Variants in PRKG1 observed in about 807,000 individuals in gnomAD.
PRKG1 encodes protein kinase cGMP-dependent 1.
Under a neutral mutation model 88.1 loss-of-function variants are expected in PRKG1, and 35 were observed. The observed-to-expected ratio is 0.40, with a 90% CI of 0.30 to 0.53. The LOEUF (loss-of-function observed/expected upper bound fraction) is 0.53. PRKG1 is among the 20% of genes least tolerant of loss of function. The pLI, the probability that PRKG1 is intolerant of heterozygous loss-of-function variation, is 0.59. For missense variants in PRKG1, 540 were observed against 839.8 expected (o/e 0.64, Z 4.41); for synonymous variants, 303 against 292.5 (o/e 1.04, Z -0.37).
intron 3 of PRKG1, among the ~76,000 whole-genome samples, chr10:51,759,291 G>T (rs1424173040): frequency 6.6e-6 from 1 of 151,924 alleles, no homozygotes; most frequent in Admixed American, 6.6e-5. Context: ...TTTTGAGACG[G>T]AGTCTTGCTG....
intron 2 of PRKG1, among the ~76,000 whole-genome samples, chr10:51,449,919 A>C (rs1037668696): frequency 3.3e-5 from 5 of 151,864 alleles, no homozygotes; most frequent in Admixed American, 3.3e-4. Context: ...AAAACTTCTT[A>C]TTTGTTTTTG....
At chr10:51,253,630 G>A (rs1839481025) in intron 2 of PRKG1, among the ~76,000 whole-genome samples, 1 of 151,890 alleles carries the variant, frequency 6.6e-6, no homozygotes. Context: ...CAAGAGAAGG[G>A]GAAGAATTTT....
At chr10:51,604,793 G>A (rs988272293) in intron 3 of PRKG1, among the ~76,000 whole-genome samples, 1 of 152,206 alleles carries the variant, frequency 6.6e-6, no homozygotes, top group Non-Finnish European at 1.5e-5. Context: ...CCATGGCAGT[G>A]TCCAGGACTC....
At chr10:52,012,855 T>C (rs760898003) in intron 5 of PRKG1, among the ~76,000 whole-genome samples, 14 of 152,224 alleles carry the variant, frequency 9.2e-5, no homozygotes, top group Non-Finnish European at 2.1e-4. Context: ...GAATACCATG[T>C]GTGAGATGTG....
chr10:51,059,823 C>T (rs1297598923), intron 1 of PRKG1, among the ~76,000 whole-genome samples: 1 of 152,068 alleles, frequency 6.6e-6, no homozygotes, highest in Admixed American at 6.6e-5. Flanking sequence ...GTGTAATTAA[C>T]TCACGTTTGT....
intron 1 of PRKG1, among the ~76,000 whole-genome samples, chr10:51,065,702 T>C (rs1267865685): frequency 1.3e-5 from 2 of 152,144 alleles, no homozygotes; most frequent in African/African-American, 2.4e-5. Context: ...CTGTATTTAC[T>C]CCTACCTTTA....
intron 5 of PRKG1, among the ~76,000 whole-genome samples, chr10:51,984,837 A>G (rs1430493343): frequency 6.6e-6 from 1 of 152,148 alleles, no homozygotes; most frequent in Admixed American, 6.5e-5. Context: ...GATTTAACAG[A>G]AAAAGAAAAT....
chr10:51,698,156 G>C (rs767044550), intron 3 of PRKG1: 1 of 1,614,068 alleles, frequency 6.2e-7, no homozygotes, highest in Admixed American at 1.7e-5. Flanking sequence ...TCTTGAACTG[G>C]GGACAGGGCC....
At chr10:52,211,196 T>C (rs1316117710) in intron 9 of PRKG1, among the ~76,000 whole-genome samples, 1 of 152,102 alleles carries the variant, frequency 6.6e-6, no homozygotes, top group Admixed American at 6.5e-5. Flanking sequence ...ACACGTATCA[T>C]GTTCTGCTTT....
chr10:51,910,983 T>A lies in PRKG1; in HGVS notation c.762+3413T>A, dbSNP rs1444696514. ...TAGGTACTGACTATACCAGTAATTC[T>A]GTGATCCATATACAGATTCTTAGCT... On this transcript the variant is annotated intron_variant, in intron 5 of 17. Transcript: ENST00000373980. 5 of 152,208 alleles carry A rather than the reference T, an allele frequency of 3.3e-5. No individual in the cohort carries two copies. The East Asian group carries it at 9.6e-4, about 29-fold the overall frequency. 9.4% of individuals were successfully genotyped at this position (152,208 alleles called of 1,614,324 possible).
chr10:51,235,857 A>C (rs1158682665), intron 2 of PRKG1, among the ~76,000 whole-genome samples: 1 of 152,186 alleles, frequency 6.6e-6, no homozygotes, highest in Non-Finnish European at 1.5e-5. Context: ...AAAATGAAAA[A>C]TAAAAAAAAA....
intron 1 of PRKG1, among the ~76,000 whole-genome samples, chr10:51,068,210 T>C (rs1414200388): frequency 6.6e-6 from 1 of 152,044 alleles, no homozygotes; most frequent in African/African-American, 2.4e-5. Context: ...ATGATGATTA[T>C]AGAAAAGTCA....
At chr10:51,034,328 G>C (rs533384775) in intron 1 of PRKG1, among the ~76,000 whole-genome samples, 25 of 152,066 alleles carry the variant, frequency 1.6e-4, no homozygotes, top group Non-Finnish European at 2.2e-4. Context: ...CTCAGGCAAT[G>C]AATAATAAGT....
At chr10:51,105,722 A>G (rs1307676791) in intron 1 of PRKG1, among the ~76,000 whole-genome samples, 1 of 143,360 alleles carries the variant, frequency 7.0e-6, no homozygotes, top group East Asian at 1.9e-4. Flanking sequence ...ATAATTTTAA[A>G]AATTGATTCT....
chr10:51,254,706 A>G (rs1006965781), intron 2 of PRKG1, among the ~76,000 whole-genome samples: 8 of 152,062 alleles, frequency 5.3e-5, no homozygotes, highest in African/African-American at 1.4e-4. Flanking sequence ...TGTTGTATAA[A>G]GATGGAAAGC....
At chr10:51,766,166 A>G (rs991535319) in intron 3 of PRKG1, among the ~76,000 whole-genome samples, 2 of 152,270 alleles carry the variant, frequency 1.3e-5, no homozygotes, top group East Asian at 3.9e-4. Flanking sequence ...TAAGTGAAAA[A>G]AGAAAGCTCC....
intron 3 of PRKG1, among the ~76,000 whole-genome samples, chr10:51,589,188 G>A (rs1838246593): frequency 6.6e-6 from 1 of 152,138 alleles, no homozygotes; most frequent in Non-Finnish European, 1.5e-5. Context: ...TTAACTAGCT[G>A]CTATGTACTT....
chr10:52,188,557 A>G (rs1839280881), intron 9 of PRKG1, among the ~76,000 whole-genome samples: 1 of 151,792 alleles, frequency 6.6e-6, no homozygotes, highest in East Asian at 1.9e-4. Flanking sequence ...GGAATAAAAA[A>G]AAGTTTGGAA....
chr10:51,497,072 A>G (rs1202356993), intron 3 of PRKG1, among the ~76,000 whole-genome samples: 3 of 152,168 alleles, frequency 2.0e-5, no homozygotes. Context: ...GATCATTTGA[A>G]TGAGAGCTCT....
Sources: gnomAD v4.1 joint callset for allele counts (sites outside exome capture counted in the v4.1 genomes callset) on GRCh38, gnomAD v4.1.1 for gene constraint, MANE v1.5 for transcripts, NCBI Gene and HGNC (gene_info 2026-07-23, HGNC 2026-07-21) for gene names.